Variants in ELMO1 observed in about 807,000 individuals in gnomAD.
ELMO1 encodes engulfment and cell motility 1.
A neutral mutation model predicts 98.9 loss-of-function variants in ELMO1; 26 were observed. That is an observed-to-expected ratio of 0.26 (90% CI 0.19 to 0.36). The LOEUF (loss-of-function observed/expected upper bound fraction) is 0.36. ELMO1 is among the 10% of genes least tolerant of loss of function. ELMO1 has a pLI of 1.00. For missense variants in ELMO1, 627 were observed against 935.2 expected (o/e 0.67, Z 4.30); for synonymous variants, 346 against 346.0 (o/e 1.00, Z 0.00).
chr7:37,057,704 C>T (rs138994148), intron 15 of ELMO1, among the ~76,000 whole-genome samples: 1,641 of 152,328 alleles, frequency 0.011, 24 homozygotes, highest in South Asian at 0.034. Context: ...CACACACACA[C>T]GCACATGCCC....
intron 4 of ELMO1, among the ~76,000 whole-genome samples, chr7:37,280,644 A>AT (rs1797086413): frequency 6.6e-6 from 1 of 152,122 alleles, no homozygotes; most frequent in Non-Finnish European, 1.5e-5. Flanking sequence ...CAAAACCACA[A>AT]TGCGATATCA....
intron 13 of ELMO1, among the ~76,000 whole-genome samples, chr7:37,158,675 G>A (rs943075045): frequency 6.6e-5 from 10 of 152,218 alleles, no homozygotes; most frequent in Non-Finnish European, 1.3e-4. Context: ...AGAGGATGTG[G>A]AGAAATAGGA....
chr7:37,442,891 A>T (rs1805466113), intron 1 of ELMO1, among the ~76,000 whole-genome samples: 1 of 152,250 alleles, frequency 6.6e-6, no homozygotes, highest in Non-Finnish European at 1.5e-5. Context: ...ACCAGTGCAG[A>T]CATCATGGTG....
rs543917139 is a variant in ELMO1, at chr7:36,928,579, CAG to C, written c.1438-33564_1438-33563del. Among the ~76,000 whole-genome samples, 685 of 152,284 alleles carry C rather than the reference CAG, an allele frequency of 4.5e-3. 5 individuals are homozygous for C. Among genetic ancestry groups the C allele is most frequent in the African/African-American group, 0.016 (656 of 41,564 alleles). ...CATCAGGGGCAGCGACACCCTGCAACAGAGAGATAACACCAACCCCTATTTCA... is the reference window on the plus strand; with the variant it reads ...CATCAGGGGCAGCGACACCCTGCAACAGAGATAACACCAACCCCTATTTCA... On this transcript the variant is annotated intron_variant, in intron 16 of 21. Transcript: ENST00000310758.
chr7:37,270,454 T>C (rs1181506535), intron 5 of ELMO1: 1 of 152,232 alleles, frequency 6.6e-6, no homozygotes, highest in African/African-American at 2.4e-5. Context: ...AGCCAGATGC[T>C]TTTCCCAATT....
chr7:37,008,919 C>T (rs556848717), intron 16 of ELMO1, among the ~76,000 whole-genome samples: 3 of 152,292 alleles, frequency 2.0e-5, no homozygotes, highest in South Asian at 4.1e-4. Flanking sequence ...CCGCCACCCC[C>T]GATGATTTAA....
At position 37,231,283 on chromosome 7, in the gene ELMO1, C is replaced by T. The variant is rs372207501; in HGVS notation, c.549+1812G>A. 2.6e-5 allele frequency among the ~76,000 whole-genome samples: 4 copies of T among 151,480 alleles called. No individual in the cohort carries two copies. In the East Asian group the frequency reaches 7.8e-4, roughly 29 times the overall value. On this transcript the variant is annotated intron_variant, in intron 8 of 21. Coordinates refer to ENST00000310758, the MANE Select transcript of ELMO1 (RefSeq NM_014800.11). ...CTCATTCAACCGATTAGGGCCATCTCATGTCCTTCGATTCAAGGCAACATC... is the reference window on the plus strand; with the variant it reads ...CTCATTCAACCGATTAGGGCCATCTTATGTCCTTCGATTCAAGGCAACATC...
intron 14 of ELMO1, among the ~76,000 whole-genome samples, chr7:37,126,182 G>A: frequency 6.6e-6 from 1 of 151,736 alleles, no homozygotes; most frequent in East Asian, 1.9e-4. Flanking sequence ...AGCATTAGGA[G>A]ATATACCTAA....
chr7:36,929,640 C>T (rs1237603443), intron 16 of ELMO1, among the ~76,000 whole-genome samples: 1 of 152,152 alleles, frequency 6.6e-6, no homozygotes. Context: ...AAAAAATAAA[C>T]AATGAATGGG....
chr7:36,878,107 C>T lies in ELMO1; in HGVS notation c.1725G>A (p.Trp575Ter). 6.2e-7 allele frequency: 1 copy of T among 1,613,766 alleles called. No individual in the cohort carries two copies. Among genetic ancestry groups the T allele is most frequent in the Non-Finnish European group, 8.5e-7 (1 of 1,179,752 alleles). Reference sequence around the variant, plus strand: ...TGTGATTTGGCGAAAGCCGACAATACCAAAACTTGTCTGAGAGAAAAAACA... The same window carrying T: ...TGTGATTTGGCGAAAGCCGACAATATCAAAACTTGTCTGAGAGAAAAAACA... ...LNARRRQDKFWYCRLSPNHKV... is the reference protein window; with the variant it reads ...LNARRRQDKF Residue 575 changes from tryptophan (W) to a stop codon, truncating the protein, a stop_gained, in exon 19 of 22, where the codon TGG becomes TGA. Coordinates refer to ENST00000310758, the MANE Select transcript of ELMO1 (RefSeq NM_014800.11). LOFTEE classifies it high-confidence loss of function.
At chr7:37,351,581 A>C (rs1487492566) in intron 1 of ELMO1, among the ~76,000 whole-genome samples, 1 of 152,234 alleles carries the variant, frequency 6.6e-6, no homozygotes, top group Non-Finnish European at 1.5e-5. Flanking sequence ...GTTTCTGTTG[A>C]GTTTCCTAAC....
chr7:37,098,927 A>G (rs1471203757), intron 14 of ELMO1, among the ~76,000 whole-genome samples: 5 of 152,322 alleles, frequency 3.3e-5, no homozygotes, highest in South Asian at 2.1e-4. Flanking sequence ...CAGCGAGCAC[A>G]TTCCCTTGTA....
At chr7:37,012,659 GA>G (rs370751823) in intron 16 of ELMO1, among the ~76,000 whole-genome samples, 7 of 152,278 alleles carry the variant, frequency 4.6e-5, no homozygotes, top group African/African-American at 1.7e-4. Context: ...CACACAAATG[GA>G]AATGTGAAAG....
chr7:36,985,942 C>T, intron 16 of ELMO1: 1 of 1,003,008 alleles, frequency 1.0e-6, no homozygotes, highest in Non-Finnish European at 1.2e-6. Flanking sequence ...GTAAGTCCAT[C>T]TTTCCCAACC....
chr7:37,113,617 C>T (rs1408623153), intron 14 of ELMO1, among the ~76,000 whole-genome samples: 1 of 152,158 alleles, frequency 6.6e-6, no homozygotes, highest in Non-Finnish European at 1.5e-5. Context: ...GGTATGTTCA[C>T]GGCCAACAAG....
At chr7:37,218,271 T>G (rs970804034) in intron 10 of ELMO1, among the ~76,000 whole-genome samples, 3 of 152,176 alleles carry the variant, frequency 2.0e-5, no homozygotes, top group African/African-American at 7.2e-5. Context: ...GAAGGGACAA[T>G]GTATGTCCAA....
chr7:36,993,283 C>G (rs1271436999), intron 16 of ELMO1, among the ~76,000 whole-genome samples: 1 of 152,072 alleles, frequency 6.6e-6, no homozygotes, highest in African/African-American at 2.4e-5. Flanking sequence ...CTGTTTAAAC[C>G]CAGTTGTTTT....
chr7:37,044,668 C>T (rs1224857505), intron 15 of ELMO1, among the ~76,000 whole-genome samples: 2 of 152,214 alleles, frequency 1.3e-5, no homozygotes, highest in Non-Finnish European at 2.9e-5. Context: ...AACACCTGTT[C>T]TCACTCTCTG....
chr7:37,115,124 GA>G (rs1316303831), intron 14 of ELMO1, among the ~76,000 whole-genome samples: 1 of 152,088 alleles, frequency 6.6e-6, no homozygotes, highest in Non-Finnish European at 1.5e-5. Context: ...TTCCAAAATG[GA>G]AAGTATCAGG....
Sources: allele counts gnomAD v4.1 joint callset (sites outside exome capture counted in the v4.1 genomes callset), GRCh38; gene constraint gnomAD v4.1.1; transcripts MANE v1.5; gene names NCBI Gene and HGNC (gene_info 2026-07-23, HGNC 2026-07-21).